Variants in FBRSL1 observed in about 807,000 individuals in gnomAD.
The protein encoded by FBRSL1 is fibrosin like 1.
In FBRSL1, 51 loss-of-function variants were observed where a neutral mutation model predicts 89.6. The observed-to-expected ratio is 0.57, with a 90% confidence interval of 0.45 to 0.72. The LOEUF (loss-of-function observed/expected upper bound fraction) is 0.72, where lower values mean the gene tolerates loss of function less well. FBRSL1 is among the 30% of genes least tolerant of loss of function. The pLI is 0.00. For synonymous variants in FBRSL1, 779 were observed against 681.1 expected (o/e 1.14, Z -2.24); for missense variants, 1,618 against 1,451.8 (o/e 1.11, Z -1.86).
chr12:132,568,600 G>C (rs953057917), intron 6 of FBRSL1, among the ~76,000 whole-genome samples: 2 of 152,284 alleles, frequency 1.3e-5, no homozygotes, highest in Admixed American at 1.3e-4. Flanking sequence ...GGGCACAGGA[G>C]GCCCCGCACG....
chr12:132,574,901 A>G (rs1267595795), intron 14 of FBRSL1, among the ~76,000 whole-genome samples: 1 of 152,158 alleles, frequency 6.6e-6, no homozygotes, highest in African/African-American at 2.4e-5. Context: ...CCCACTCCCC[A>G]CAGTGATTGA....
At chr12:132,512,156 G>A (rs937366286) in intron 2 of FBRSL1, among the ~76,000 whole-genome samples, 1 of 152,192 alleles carries the variant, frequency 6.6e-6, no homozygotes. Context: ...TGGGGGCACC[G>A]GCCTCCAGAT....
intron 8 of FBRSL1, 39 bp downstream of exon 8, chr12:132,570,579 T>TG (rs3833800): frequency 0.13 from 185,431 of 1,439,234 alleles, 12,599 homozygotes; most frequent in Middle Eastern, 0.21. Flanking sequence ...GGGCAGGGGT[T>TG]GGGGGGTGCG....
At chr12:132,504,259 G>A (rs575744582) in intron 1 of FBRSL1, among the ~76,000 whole-genome samples, 6 of 152,316 alleles carry the variant, frequency 3.9e-5, no homozygotes, top group African/African-American at 1.4e-4. Context: ...GCAGGGCTCT[G>A]TGTGTGCTGA....
chr12:132,564,203 G>T (rs2039397028), intron 5 of FBRSL1, among the ~76,000 whole-genome samples: 1 of 152,080 alleles, frequency 6.6e-6, no homozygotes, highest in African/African-American at 2.4e-5. Flanking sequence ...AGCTGGGCCT[G>T]GCTTCACCCC....
At chr12:132,508,012 C>T (rs1001079480) in intron 1 of FBRSL1, 141 bp from the exon 2 acceptor site, 3 of 810,498 alleles carry the variant, frequency 3.7e-6, no homozygotes, top group South Asian at 1.8e-5. Flanking sequence ...CCCCGTCCCA[C>T]AGCAGCCATC....
In FBRSL1 at chr12:132,571,262, C is replaced by T. The variant is rs539638805; in HGVS notation, c.1377+31C>T. The T allele has an allele frequency of 3.5e-4, 525 of 1,481,450 alleles. 3 individuals carry two copies. In the African/African-American group the frequency reaches 6.7e-3, roughly 19 times the overall value. 91.8% of individuals were successfully genotyped at this position (1,481,450 alleles called of 1,614,324 possible). A position where few individuals can be genotyped will look rare whatever the true frequency, so the allele number is the denominator to read the frequency against. On this transcript the variant is annotated intron_variant, in intron 9 of 18. Transcript: ENST00000680143. Reference sequence around the variant, plus strand: ...TATCCGCCTCGCCCCGCCGGGAGCCCGCGGCCAACGTGCCTCTCTGTCTCT... The same window carrying T: ...TATCCGCCTCGCCCCGCCGGGAGCCTGCGGCCAACGTGCCTCTCTGTCTCT...
intron 2 of FBRSL1, chr12:132,510,686 A>C: frequency 8.2e-7 from 1 of 1,224,950 alleles, no homozygotes; most frequent in Non-Finnish European, 1.0e-6. Flanking sequence ...AGGAAGAGAG[A>C]TGAACCCGCG....
rs2030693314 is a variant in FBRSL1 at position 132,490,692 on chromosome 12, G to T, written c.122G>T (p.Ser41Ile). 1 of 997,820 alleles carries T rather than the reference G, an allele frequency of 1.0e-6. No homozygotes were observed. The highest frequency in any genetic ancestry group is 1.2e-6 in the Non-Finnish European group (1 of 835,158). The allele number at this position is 997,820 out of a possible 1,614,324, so 61.8% of individuals were successfully genotyped here. The change falls in exon 1 of 19, where the codon AGC becomes ATC. Residue 41 changes from serine to isoleucine, a missense_variant. Coordinates refer to ENST00000680143, the MANE Select transcript of FBRSL1 (RefSeq NM_001367871.1). ...TCGTCGGGCGACGAGCCCGAGCCCA[G>T]CCCCGGCAAGGAGAACGCGGGCCTC... ...SPSSGDEPEP[S>I]PGKENAGLRG... is the part of the protein sequence containing the mutation.
intron 1 of FBRSL1, among the ~76,000 whole-genome samples, chr12:132,507,851 G>T (rs1289246132): frequency 6.6e-6 from 1 of 152,158 alleles, no homozygotes; most frequent in Non-Finnish European, 1.5e-5. Context: ...GTCCTGGGCA[G>T]CCCTGGGCTG....
intron 2 of FBRSL1, among the ~76,000 whole-genome samples, chr12:132,515,742 T>C: frequency 6.6e-6 from 1 of 151,356 alleles, no homozygotes; most frequent in East Asian, 1.9e-4. Flanking sequence ...CTACTAAAAA[T>C]ACAAAAAATT....
At chr12:132,574,208 G>T in intron 12 of FBRSL1, 50 bp downstream of exon 12, 2 of 1,433,446 alleles carry the variant, frequency 1.4e-6, no homozygotes, top group Admixed American at 5.9e-5. Flanking sequence ...GCCTGCCCCG[G>T]CCGGGCCCTG....
At chr12:132,549,171 G>A (rs978486950) in intron 5 of FBRSL1, among the ~76,000 whole-genome samples, 1 of 152,220 alleles carries the variant, frequency 6.6e-6, no homozygotes, top group Non-Finnish European at 1.5e-5. Context: ...CCGTCGCCGC[G>A]GCCTGGGGTC....
intron 1 of FBRSL1, among the ~76,000 whole-genome samples, chr12:132,493,377 C>T (rs913060869): frequency 3.3e-5 from 5 of 152,226 alleles, no homozygotes; most frequent in East Asian, 3.8e-4. Flanking sequence ...CTTGTGCCCG[C>T]GGGACACTGC....
chr12:132,573,593 G>A (rs1283482251), intron 11 of FBRSL1, among the ~76,000 whole-genome samples: 2 of 152,308 alleles, frequency 1.3e-5, no homozygotes, highest in South Asian at 2.1e-4. Context: ...TGTCCCGGCC[G>A]CACCCCGAGC....
Position 132,546,974 on chromosome 12 carries a change from A to G in FBRSL1, c.616-1029A>G, listed in dbSNP as rs2037740823. On this transcript the variant is annotated intron_variant, in intron 4 of 18. Coordinates refer to ENST00000680143, the MANE Select transcript of FBRSL1 (RefSeq NM_001367871.1). The surrounding 1 kb of genome is among the most constrained non-coding windows in gnomAD (Gnocchi z 4.0). ...CCACATAGGAGGGCGCCGCCCACAC[A>G]TCCGGCTGGCACTCACCACCCTCCG... 6.6e-6 allele frequency among the ~76,000 whole-genome samples: 1 copy of G among 152,162 alleles called. No individual in the cohort carries two copies. Among genetic ancestry groups the G allele is most frequent in the South Asian group, 2.1e-4 (1 of 4,830 alleles).
intron 1 of FBRSL1, 140 bp downstream of exon 1, chr12:132,491,001 C>G (rs2030811333): frequency 4.7e-6 from 3 of 634,416 alleles, no homozygotes; most frequent in Non-Finnish European, 6.2e-6. Flanking sequence ...CCACTTGGTA[C>G]CCGTTCCAGG....
In FBRSL1 at chr12:132,574,497, C is replaced by T. The variant is rs2137985395; in HGVS notation, c.1634C>T (p.Pro545Leu). The T allele has an allele frequency of 6.5e-6, 10 of 1,550,030 alleles. No homozygotes were observed. The highest frequency in any genetic ancestry group is 7.8e-6 in the Non-Finnish European group (9 of 1,146,718). The change falls in exon 14 of 19, where the codon CCG becomes CTG. Residue 545 changes from proline to leucine, a missense_variant. Coordinates refer to ENST00000680143, the MANE Select transcript of FBRSL1 (RefSeq NM_001367871.1). ...SDPYRAVVKK[P>L]GRWCAVHVQI... is the part of the protein sequence containing the mutation. ...AGCGCTTCCATCCTGTCGCAGAAGC[C>T]GGGGAGGTGGTGTGCCGTGCACGTG... is the stretch of plus-strand genomic sequence containing the variant.
intron 5 of FBRSL1, among the ~76,000 whole-genome samples, chr12:132,562,000 C>T (rs1444252580): frequency 2.0e-5 from 3 of 152,086 alleles, no homozygotes; most frequent in African/African-American, 4.8e-5. Flanking sequence ...TCTGGGGAGC[C>T]GCAGTGCCCC....
Sources: allele counts gnomAD v4.1 joint callset (sites outside exome capture counted in the v4.1 genomes callset), GRCh38; gene constraint gnomAD v4.1.1; non-coding constraint Gnocchi (gnomAD v3.1); transcripts MANE v1.5; gene names NCBI Gene and HGNC (gene_info 2026-07-23, HGNC 2026-07-21).